The following LIN54 variants were observed in gnomAD, a reference collection of about 807,000 sequenced individuals.
LIN54 encodes the protein protein lin-54 homolog.
Under a neutral mutation model 78.7 loss-of-function variants are expected in LIN54, and 9 were observed. The observed-to-expected ratio is 0.11, with a 90% confidence interval of 0.07 to 0.20. The LOEUF (loss-of-function observed/expected upper bound fraction) is 0.20, where lower values mean the gene tolerates loss of function less well. Ranked by LOEUF, LIN54 falls within the 10% of genes least tolerant of loss-of-function variation. LIN54 has a pLI of 1.00. For synonymous variants in LIN54, 269 were observed against 318.4 expected (o/e 0.84, Z 1.65); for missense variants, 573 against 889.9 (o/e 0.64, Z 4.53).
At chr4:82,965,599 A>G (rs201942987) in intron 4 of LIN54, among the ~76,000 whole-genome samples, 2 of 152,212 alleles carry the variant, frequency 1.3e-5, no homozygotes, top group East Asian at 3.9e-4. Flanking sequence ...CATTCAATGA[A>G]AAGGTTGTGA....
At chr4:82,950,639 AT>A (rs1353641243) in intron 4 of LIN54, among the ~76,000 whole-genome samples, 1 of 152,244 alleles carries the variant, frequency 6.6e-6, no homozygotes, top group Non-Finnish European at 1.5e-5. Context: ...AAAAGCAAAT[AT>A]CTTAATTTAG....
intron 1 of LIN54, among the ~76,000 whole-genome samples, chr4:83,005,131 G>T (rs1351364973): frequency 6.6e-6 from 1 of 151,900 alleles, no homozygotes; most frequent in Non-Finnish European, 1.5e-5. Context: ...CCTGACCTCA[G>T]GTGATCCACC....
At chr4:82,999,556 C>A (rs1728554185) in intron 1 of LIN54, among the ~76,000 whole-genome samples, 1 of 151,794 alleles carries the variant, frequency 6.6e-6, no homozygotes, top group Non-Finnish European at 1.5e-5. Flanking sequence ...GCAGGCAGAT[C>A]ACTTGAGGTC....
intron 2 of LIN54, among the ~76,000 whole-genome samples, chr4:82,983,165 G>C (rs1039408482): frequency 6.6e-6 from 1 of 151,990 alleles, no homozygotes; most frequent in Non-Finnish European, 1.5e-5. Context: ...TCGCCACCAT[G>C]CCTGGCTAAT....
At chr4:82,933,619 G>A (rs1722149438) in intron 11 of LIN54, among the ~76,000 whole-genome samples, 1 of 152,206 alleles carries the variant, frequency 6.6e-6, no homozygotes, top group Non-Finnish European at 1.5e-5. Flanking sequence ...CAGCCAACTA[G>A]CCACTGCTAT....
At chr4:83,000,966 C>T (rs889037616) in intron 1 of LIN54, among the ~76,000 whole-genome samples, 10 of 151,678 alleles carry the variant, frequency 6.6e-5, no homozygotes, top group African/African-American at 1.5e-4. Context: ...CAAAGGCACG[C>T]GCCACCACGC....
chr4:83,000,147 G>C (rs1294833112), intron 1 of LIN54, among the ~76,000 whole-genome samples: 1 of 152,098 alleles, frequency 6.6e-6, no homozygotes, highest in Non-Finnish European at 1.5e-5. Flanking sequence ...TCCTGCCTCA[G>C]CTCTCCAAAG....
intron 1 of LIN54, among the ~76,000 whole-genome samples, chr4:82,997,311 G>C (rs1358832986): frequency 2.0e-5 from 3 of 151,940 alleles, no homozygotes; most frequent in African/African-American, 7.2e-5. Context: ...ATTGTCATAA[G>C]GTACACTAAC....
At chr4:82,965,726 T>C (rs779040635) in intron 4 of LIN54, among the ~76,000 whole-genome samples, 6 of 152,108 alleles carry the variant, frequency 3.9e-5, no homozygotes, top group Non-Finnish European at 7.4e-5. Flanking sequence ...GGAGATTAGA[T>C]GCGGGAGATG....
intron 1 of LIN54, among the ~76,000 whole-genome samples, chr4:83,000,827 C>CTTTTTTTT (rs1553959274): frequency 0.018 from 2,109 of 120,490 alleles, 127 homozygotes; most frequent in African/African-American, 0.064. Flanking sequence ...GCAATAAATT[C>CTTTTTTTT]TTTTTTTTTT....
At chr4:82,957,925 G>A (rs974120854) in intron 4 of LIN54, among the ~76,000 whole-genome samples, 1 of 152,114 alleles carries the variant, frequency 6.6e-6, no homozygotes, top group African/African-American at 2.4e-5. Context: ...TTGTTGTATG[G>A]TTAAAGAAGG....
rs57298736 is a variant in LIN54 at position 82,947,394 on chromosome 4, T to TTGTGTGTG, written c.952-928_952-921dup. ...ACCACAGGTACCACGCCCAGTTAAT[T>TTGTGTGTG]TGTGTGTGTGTGTGTGTGTGTGTGT... On this transcript the variant is annotated intron_variant, in intron 4 of 12. Coordinates refer to ENST00000340417, the MANE Select transcript of LIN54 (RefSeq NM_194282.4). Among the ~76,000 whole-genome samples, 252 of 124,642 alleles carry TTGTGTGTG rather than the reference T, an allele frequency of 2.0e-3. 3 individuals carry two copies. The highest frequency in any genetic ancestry group is 0.019 in the South Asian group (66 of 3,532). 81.8% of individuals were successfully genotyped at this position (124,642 alleles called of 152,430 possible).
At chr4:82,934,862 A>C (rs1722261060) in intron 11 of LIN54, among the ~76,000 whole-genome samples, 1 of 152,236 alleles carries the variant, frequency 6.6e-6, no homozygotes, top group African/African-American at 2.4e-5. Flanking sequence ...ATGGTAATCT[A>C]GGGTTAATCT....
intron 1 of LIN54, among the ~76,000 whole-genome samples, chr4:83,004,390 C>T (rs1729124780): frequency 1.0e-5 from 1 of 96,212 alleles, no homozygotes; most frequent in Non-Finnish European, 2.1e-5. Flanking sequence ...CAGAGTGAGA[C>T]TCCGTTGCAA....
intron 4 of LIN54, among the ~76,000 whole-genome samples, chr4:82,961,178 G>A (rs1724759731): frequency 1.3e-5 from 2 of 152,150 alleles, no homozygotes; most frequent in African/African-American, 4.8e-5. Flanking sequence ...TTAAATATGT[G>A]CAACTTACTT....
chr4:83,006,113 G>A (rs573311145), intron 1 of LIN54, among the ~76,000 whole-genome samples: 90 of 136,670 alleles, frequency 6.6e-4, no homozygotes, highest in African/African-American at 1.8e-3. Flanking sequence ...TGGCAACAAT[G>A]GAAACTGGGG....
At chr4:82,993,319 C>T (rs924672987) in intron 1 of LIN54, among the ~76,000 whole-genome samples, 3 of 149,132 alleles carry the variant, frequency 2.0e-5, no homozygotes, top group South Asian at 4.3e-4. Flanking sequence ...TGGGTTCAAG[C>T]GGTTCTCCTG....
At chr4:82,998,931 C>A (rs890600071) in intron 1 of LIN54, among the ~76,000 whole-genome samples, 1 of 152,038 alleles carries the variant, frequency 6.6e-6, no homozygotes, top group Admixed American at 6.6e-5. Context: ...TCCACACAAA[C>A]AAATTATATC....
intron 11 of LIN54, among the ~76,000 whole-genome samples, chr4:82,932,298 G>A (rs1242693223): frequency 6.7e-5 from 10 of 150,288 alleles, no homozygotes; most frequent in Non-Finnish European, 1.3e-4. Context: ...GGGTTTCACC[G>A]TGTTAGCCAG....
Sources: allele counts gnomAD v4.1 joint callset (sites outside exome capture counted in the v4.1 genomes callset), GRCh38; gene constraint gnomAD v4.1.1; transcripts MANE v1.5; gene names NCBI Gene and HGNC (gene_info 2026-07-23, HGNC 2026-07-21).